NLRP3: variants seen among roughly 807,000 people sequenced by gnomAD.
NLRP3 encodes NLR family pyrin domain containing 3, also known as NACHT, LRR and PYD domains-containing protein 3.
In NLRP3, 48 loss-of-function variants were observed where a neutral mutation model predicts 91.3. The observed-to-expected ratio is 0.53, with a 90% confidence interval of 0.42 to 0.67. The LOEUF (loss-of-function observed/expected upper bound fraction) is 0.67, where lower values mean the gene tolerates loss of function less well. Ranked by LOEUF, NLRP3 falls within the 30% of genes least tolerant of loss-of-function variation. NLRP3 has a pLI of 0.00. For missense variants in NLRP3, 982 were observed against 1,276.9 expected (o/e 0.77, Z 3.52); for synonymous variants, 561 against 507.9 (o/e 1.10, Z -1.41).
At chr1:247,429,900 G>A in intron 5 of NLRP3, 145 bp downstream of exon 5, 1 of 1,070,114 alleles carries the variant, frequency 9.3e-7, no homozygotes, top group East Asian at 2.7e-5. Flanking sequence ...TTGAGGCAGA[G>A]TTTTGCTCTT....
rs1298944048 is a variant in NLRP3, at chr1:247,424,986, G to A, written c.1537G>A (p.Glu513Lys). ...CCTGTTCCAAAAGGAAGTGGACTGC[G>A]AGAAGTTCTACAGCTTCATCCACAT... ...MNLFQKEVDCEKFYSFIHMTF... is the reference protein window; with the variant it reads ...MNLFQKEVDCKKFYSFIHMTF... The change falls in exon 4 of 10, where the codon GAG (glutamate) becomes AAG (lysine). Residue 513 changes from glutamate to lysine, a missense_variant. Transcript: ENST00000336119. The surrounding 1 kb of genome is among the most constrained non-coding windows in gnomAD (Gnocchi z 8.1). 4 of 1,614,170 alleles carry A rather than the reference G, an allele frequency of 2.5e-6. No individual in the cohort carries two copies. Among genetic ancestry groups the A allele is most frequent in the South Asian group, 1.1e-5 (1 of 91,072 alleles).
chr1:247,423,014 T>G (rs961553738), intron 2 of NLRP3, among the ~76,000 whole-genome samples: 1 of 152,160 alleles, frequency 6.6e-6, no homozygotes, highest in Non-Finnish European at 1.5e-5. Flanking sequence ...AACACATGCT[T>G]GGCAGGTGGA....
Position 247,425,752 on chromosome 1 carries a change from G to A in NLRP3, c.2150+153G>A. The A allele has an allele frequency of 2.8e-6, 2 of 713,950 alleles. No homozygotes were observed. The highest frequency in any genetic ancestry group is 2.4e-6 in the Non-Finnish European group (1 of 410,424). The allele number at this position is 713,950 out of a possible 1,614,324, so 44.2% of individuals were successfully genotyped here. ...CACTGTCTGTTTGAGACTCCTTCAT[G>A]AGCAAAGATTGATGTATGGTAGGTG... On this transcript the variant is annotated intron_variant, in intron 4 of 9. Transcript: ENST00000336119. This position sits in a 1 kb window ranked among gnomAD's most constrained non-coding sequence, Gnocchi z 4.1.
At chr1:247,422,900 G>A (rs769261073) in intron 2 of NLRP3, among the ~76,000 whole-genome samples, 3 of 152,196 alleles carry the variant, frequency 2.0e-5, no homozygotes, top group Non-Finnish European at 4.4e-5. Context: ...GGCTGCCAGG[G>A]GCAGGCAAAA....
chr1:247,446,034 T>C (rs1664563520), intron 9 of NLRP3, among the ~76,000 whole-genome samples: 1 of 152,230 alleles, frequency 6.6e-6, no homozygotes, highest in Non-Finnish European at 1.5e-5. Context: ...TACTCTCTTC[T>C]ACCCGAAACC....
Position 247,425,352 on chromosome 1 carries a change from A to T in NLRP3, c.1903A>T (p.Met635Leu), listed in dbSNP as rs1176676245. 6.2e-7 allele frequency: 1 copy of T among 1,614,184 alleles called. No homozygotes were observed. Residue 635 changes from methionine (M) to leucine (L), a missense_variant, in exon 4 of 10, where the codon ATG becomes TTG. By Grantham distance (15) the Met-to-Leu change is conservative. This residue lies in a region of NLRP3 where 373 missense variants were observed against 431.5 expected (regional missense o/e 0.86). Coordinates refer to ENST00000336119, the MANE Select transcript of NLRP3 (RefSeq NM_001243133.2). This position sits in a 1 kb window ranked among gnomAD's most constrained non-coding sequence, Gnocchi z 4.1. ...GGAATTGTTCTACTGTTTGTACGAG[A>T]TGCAGGAGGAGGACTTCGTGCAAAG... The part of the protein sequence containing the change: ...QLELFYCLYE[M>L]QEEDFVQRAM...
Position 247,448,459 on chromosome 1 carries a change from A to G in NLRP3, c.3060A>G (p.Gln1020=). 1.2e-6 allele frequency: 2 copies of G among 1,613,866 alleles called. No homozygotes were observed. Among genetic ancestry groups the G allele is most frequent in the Non-Finnish European group, 1.7e-6 (2 of 1,179,778 alleles). ...CAAAAAGTGCGTTAGAAACACTTCA[A>G]GAAGAAAAGCCTGAGCTGACCGTCG... ...YETKSALETL[Q]EEKPELTVVF... The change falls in exon 10 of 10, where the codon CAA becomes CAG. Residue 1020 remains glutamine (Q), a synonymous_variant. Coordinates refer to ENST00000336119, the MANE Select transcript of NLRP3 (RefSeq NM_001243133.2).
chr1:247,440,282 C>T (rs79348670), intron 7 of NLRP3, among the ~76,000 whole-genome samples: 6,136 of 152,220 alleles, frequency 0.04, 215 homozygotes, highest in Admixed American at 0.11. Flanking sequence ...CTTCCACCCC[C>T]GTTCTCTGAC....
chr1:247,426,743 C>T (rs1235258092), intron 4 of NLRP3, among the ~76,000 whole-genome samples: 3 of 152,076 alleles, frequency 2.0e-5, no homozygotes, highest in Admixed American at 6.5e-5. Flanking sequence ...GGGTCATGGG[C>T]TCTGACAAGG....
At chr1:247,435,943 A>G (rs1175099990) in intron 6 of NLRP3, 27 bp from the exon 7 acceptor site, 2 of 1,611,472 alleles carry the variant, frequency 1.2e-6, no homozygotes, top group Non-Finnish European at 8.5e-7. Flanking sequence ...GAGAGACATG[A>G]CTGACATTCT....
At chr1:247,431,368 G>A (rs1245761560) in intron 5 of NLRP3, among the ~76,000 whole-genome samples, 3 of 152,046 alleles carry the variant, frequency 2.0e-5, no homozygotes, top group South Asian at 2.1e-4. Context: ...GTTAAAGTCC[G>A]CCACTCTAGG....
chr1:247,437,446 C>G (rs559214058), intron 7 of NLRP3, among the ~76,000 whole-genome samples: 34 of 152,328 alleles, frequency 2.2e-4, no homozygotes, highest in African/African-American at 8.2e-4. Flanking sequence ...ATCAGCCAAT[C>G]CTCAGATGTG....
intron 5 of NLRP3, among the ~76,000 whole-genome samples, chr1:247,431,786 C>A (rs2103144811): frequency 6.6e-6 from 1 of 152,338 alleles, no homozygotes; most frequent in African/African-American, 2.4e-5. Context: ...TCTGTCTGCT[C>A]TGCTCTTTAT....
At chr1:247,439,071 A>AG (rs1293953460) in intron 7 of NLRP3, among the ~76,000 whole-genome samples, 1 of 24,730 alleles carries the variant, frequency 4.0e-5, no homozygotes, top group Non-Finnish European at 1.1e-4. Context: ...AATCCATCCA[A>AG]GGGAGTATCA....
At chr1:247,429,842 C>T (rs146623139) in intron 5 of NLRP3, 87 bp downstream of exon 5, 9 of 1,516,356 alleles carry the variant, frequency 5.9e-6, no homozygotes, top group Non-Finnish European at 8.2e-6. Flanking sequence ...TCTTCAGGAC[C>T]AGGTTGCTGG....
chr1:247,419,166 T>TA, intron 2 of NLRP3, 89 bp downstream of exon 2: 5 of 900,264 alleles, frequency 5.6e-6, no homozygotes, highest in Non-Finnish European at 5.7e-6. Context: ...ATATATATAT[T>TA]TTTTTTTGAG....
chr1:247,428,691 G>A (rs1054623824), intron 4 of NLRP3, among the ~76,000 whole-genome samples: 6 of 152,046 alleles, frequency 3.9e-5, no homozygotes, highest in East Asian at 1.9e-4. Context: ...ACAGTGACTC[G>A]TGCCTGTAAC....
intron 4 of NLRP3, among the ~76,000 whole-genome samples, chr1:247,428,647 T>A (rs140764778): frequency 0.32 from 49,285 of 151,950 alleles, 9,850 homozygotes; most frequent in South Asian, 0.45. Flanking sequence ...GCCACCTGGC[T>A]TTTTTTAAAT....
intron 9 of NLRP3, 43 bp from the exon 10 acceptor site, chr1:247,448,362 T>C (rs1399681574): frequency 9.8e-7 from 1 of 1,016,546 alleles, no homozygotes; most frequent in Non-Finnish European, 1.6e-6. Flanking sequence ...TCTGACAGAG[T>C]TATCTGAAGA....
Sources: allele counts gnomAD v4.1 joint callset (sites outside exome capture counted in the v4.1 genomes callset), GRCh38; gene constraint gnomAD v4.1.1; regional missense constraint gnomAD v4.1.1; non-coding constraint Gnocchi (gnomAD v3.1); transcripts MANE v1.5; gene names NCBI Gene and HGNC (gene_info 2026-07-23, HGNC 2026-07-21).